The following PPL variants were observed in gnomAD, a reference collection of about 807,000 sequenced individuals.
The protein encoded by PPL is 190 kDa paraneoplastic pemphigus antigen.
Under a neutral mutation model 194.4 loss-of-function variants are expected in PPL, and 198 were observed. The observed-to-expected ratio is 1.02, with a 90% confidence interval of 0.91 to 1.15. PPL has a LOEUF of 1.15. PPL is among the 50% of genes most tolerant of loss of function. PPL has a pLI of 0.00. For synonymous variants in PPL, 1,220 were observed against 972.4 expected (o/e 1.25, Z -4.74); for missense variants, 2,885 against 2,294.8 (o/e 1.26, Z -5.25).
At chr16:4,929,934 C>T (rs914724797) in intron 1 of PPL, among the ~76,000 whole-genome samples, 10 of 152,074 alleles carry the variant, frequency 6.6e-5, no homozygotes, top group Admixed American at 2.0e-4. Flanking sequence ...GTCATCCTCC[C>T]GCCTTGGCCT....
intron 3 of PPL, 88 bp downstream of exon 3, chr16:4,903,798 C>A: frequency 6.6e-7 from 1 of 1,513,316 alleles, no homozygotes; most frequent in Non-Finnish European, 9.0e-7. Flanking sequence ...TAACCCCTGA[C>A]TCGGGCTCCC....
chr16:4,904,943 A>G (rs2088653865), intron 2 of PPL, among the ~76,000 whole-genome samples: 1 of 152,184 alleles, frequency 6.6e-6, no homozygotes. Context: ...CTGTTCGTTT[A>G]GGGAAGAGCA....
In PPL at chr16:4,884,242, G is replaced by C. The variant is rs139258240; in HGVS notation, c.4413C>G (p.His1471Gln). 1 of 1,613,372 alleles carries C rather than the reference G, an allele frequency of 6.2e-7. No individual in the cohort carries two copies. The highest frequency in any genetic ancestry group is 1.3e-5 in the African/African-American group (1 of 74,880). ...LLRLQLEEEQ[H>Q]RRQLLEGELE... ...GCTCCCCCTCCAGGAGCTGCCGCCG[G>C]TGCTGCTCTTCTTCCAGCTGGAGTC... The change falls in exon 22 of 22, where the codon CAC becomes CAG. Residue 1471 changes from histidine to glutamine, a missense_variant. Transcript: ENST00000345988. This position sits in a 1 kb window ranked among gnomAD's most constrained non-coding sequence, Gnocchi z 5.7.
At chr16:4,936,935 C>A (rs752244187) in intron 1 of PPL, 49 bp downstream of exon 1, 1 of 1,548,980 alleles carries the variant, frequency 6.5e-7, no homozygotes, top group Admixed American at 1.8e-5. Flanking sequence ...GTCCTGTGCG[C>A]CCACAGGGGC....
At chr16:4,917,459 C>T (rs2088947033) in intron 1 of PPL, among the ~76,000 whole-genome samples, 1 of 152,124 alleles carries the variant, frequency 6.6e-6, no homozygotes, top group East Asian at 1.9e-4. Context: ...CAGAAATCTA[C>T]AGGAGCAGAA....
chr16:4,898,926 G>C (rs1189720294), intron 8 of PPL, 87 bp downstream of exon 8: 25 of 1,052,514 alleles, frequency 2.4e-5, no homozygotes, highest in Non-Finnish European at 3.5e-5. Flanking sequence ...CCCAGCTCCG[G>C]GGTCTGCCCG....
At position 4,884,534 on chromosome 16, in the gene PPL, C is replaced by T; in HGVS notation, c.4121G>A (p.Ser1374Asn). 1 of 1,612,668 alleles carries T rather than the reference C, an allele frequency of 6.2e-7. No individual in the cohort carries two copies. The highest frequency in any genetic ancestry group is 2.2e-5 in the East Asian group (1 of 44,866). The change falls in exon 22 of 22, where the codon AGC (serine) becomes AAC (asparagine). Residue 1374 changes from serine (S) to asparagine (N), a missense_variant. Coordinates refer to ENST00000345988, the MANE Select transcript of PPL (RefSeq NM_002705.5). The surrounding 1 kb of genome is among the most constrained non-coding windows in gnomAD (Gnocchi z 5.7). ...LRAEASAFAE[S>N]IDVELRQIDK... ...AATCTGCCGCAGCTCCACATCGATG[C>T]TCTCGGCAAAGGCGCTCGCCTCGGC...
At chr16:4,894,825 C>A (rs2088389699) in intron 11 of PPL, among the ~76,000 whole-genome samples, 1 of 152,222 alleles carries the variant, frequency 6.6e-6, no homozygotes, top group Non-Finnish European at 1.5e-5. Flanking sequence ...CTTTGGGGAA[C>A]CTTCCCTCCC....
intron 1 of PPL, among the ~76,000 whole-genome samples, chr16:4,935,724 A>C (rs1211317731): frequency 6.6e-6 from 1 of 152,190 alleles, no homozygotes. Flanking sequence ...CCAGCGTGCT[A>C]GGGCCCCGCC....
chr16:4,894,748 T>TG, intron 11 of PPL, 130 bp from the exon 12 acceptor site: 1 of 1,022,630 alleles, frequency 9.8e-7, no homozygotes, highest in South Asian at 1.6e-5. Context: ...CCCCGTAGAG[T>TG]GGGGAGGGGC....
chr16:4,895,547 G>T, intron 10 of PPL, 47 bp downstream of exon 10: 1 of 1,612,294 alleles, frequency 6.2e-7, no homozygotes, highest in Non-Finnish European at 8.5e-7. Flanking sequence ...TGGTGTAGAG[G>T]GGTCCCCCGC....
Position 4,894,522 on chromosome 16 carries a change from C to A in PPL, c.1339G>T (p.Ala447Ser). The change falls in exon 12 of 22, where the codon GCC (alanine) becomes TCC (serine). Residue 447 changes from alanine (A) to serine (S), a missense_variant. Coordinates refer to ENST00000345988, the MANE Select transcript of PPL (RefSeq NM_002705.5). The stretch of plus-strand genomic sequence containing the variant: ...GTGGGGGGGATCACAAAACACACGG[C>A]CGGAGCAATCAGCTTGTTCCCAGCG... ...DSAGNKLIAP[A>S]VCFVIPPTDP... The A allele has an allele frequency of 1.2e-6, 2 of 1,613,934 alleles. No individual in the cohort carries two copies. Among genetic ancestry groups the A allele is most frequent in the South Asian group, 2.2e-5 (2 of 91,080 alleles).
chr16:4,883,095 A>C lies in PPL; in HGVS notation c.*289T>G, dbSNP rs1197014167. On this transcript the variant is annotated 3_prime_UTR_variant, in exon 22 of 22. Transcript: ENST00000345988. This position sits in a 1 kb window ranked among gnomAD's most constrained non-coding sequence, Gnocchi z 4.8. ...CAGATTGTGTGCAGTTATCATGAGG[A>C]GTTTGTTGCTGGGAGTGTACAGGAA... 2.5e-6 allele frequency: 1 copy of C among 399,468 alleles called. No homozygotes were observed. Among genetic ancestry groups the C allele is most frequent in the African/African-American group, 2.1e-5 (1 of 48,640 alleles). The allele number at this position is 399,468 out of a possible 1,614,324, so 24.7% of individuals were successfully genotyped here.
chr16:4,893,904 G>T, intron 12 of PPL: 1 of 534,738 alleles, frequency 1.9e-6, no homozygotes, highest in Non-Finnish European at 3.3e-6. Context: ...ACTTCTGAGG[G>T]AGCATACACA....
Position 4,900,830 on chromosome 16 carries a change from C to G in PPL, c.606G>C (p.Leu202=), listed in dbSNP as rs201510691. ...SELRAKYQKL[L]AASQARQQHL... is the part of the protein sequence containing the mutation. ...GCCTTTCCCCCAGGGAGCTCCTCACCAGCAGTTTCTGGTACTTGGCCCGGA... is the reference window on the plus strand; with the variant it reads ...GCCTTTCCCCCAGGGAGCTCCTCACGAGCAGTTTCTGGTACTTGGCCCGGA... The change falls in exon 6 of 22, where the codon CTG becomes CTC. Residue 202 remains leucine (L), a splice_region_variant and synonymous_variant. Coordinates refer to ENST00000345988, the MANE Select transcript of PPL (RefSeq NM_002705.5). 1.4e-5 allele frequency: 22 copies of G among 1,614,120 alleles called. No homozygotes were observed. Among genetic ancestry groups the G allele is most frequent in the Non-Finnish European group, 1.9e-5 (22 of 1,180,014 alleles).
intron 3 of PPL, among the ~76,000 whole-genome samples, chr16:4,903,477 T>C (rs1352372761): frequency 6.6e-6 from 1 of 152,014 alleles, no homozygotes; most frequent in Non-Finnish European, 1.5e-5. Flanking sequence ...CCCAGCACTT[T>C]GGGAGGTCGA....
intron 1 of PPL, among the ~76,000 whole-genome samples, chr16:4,926,647 G>A (rs374050024): frequency 8.5e-5 from 13 of 152,158 alleles, no homozygotes; most frequent in East Asian, 5.8e-4. Context: ...AGGCCGAGGC[G>A]GGCAGATCAC....
At chr16:4,890,473 C>T (rs2088298385) in intron 17 of PPL, 139 bp from the exon 18 acceptor site, 1 of 1,183,638 alleles carries the variant, frequency 8.4e-7, no homozygotes, top group Admixed American at 2.9e-5. Flanking sequence ...GGTGGGTGGT[C>T]ATTAGGGAAC....
In PPL at chr16:4,927,061, G is replaced by C. The variant is rs144616761; in HGVS notation, c.62+9923C>G. ...ACAAAGGGAAAGCATGATAAATAGG[G>C]CACTATGGTGGAGTAGGTTCAAACA... On this transcript the variant is annotated intron_variant, in intron 1 of 21. Transcript: ENST00000345988. Among the ~76,000 whole-genome samples the C allele has an allele frequency of 9.2e-4, 140 of 152,142 alleles. 1 individual carries two copies. Among genetic ancestry groups the C allele is most frequent in the African/African-American group, 3.3e-3 (137 of 41,506 alleles).
Sources: allele counts gnomAD v4.1 joint callset (sites outside exome capture counted in the v4.1 genomes callset), GRCh38; gene constraint gnomAD v4.1.1; non-coding constraint Gnocchi (gnomAD v3.1); transcripts MANE v1.5; gene names NCBI Gene and HGNC (gene_info 2026-07-23, HGNC 2026-07-21).